CHD4: variants seen among roughly 807,000 people sequenced by gnomAD.
CHD4 encodes the protein ATP-dependent chromatin remodeler CHD4.
Under a neutral mutation model 235.5 loss-of-function variants are expected in CHD4, and 35 were observed. The observed-to-expected ratio is 0.15, with a 90% CI of 0.11 to 0.20. The LOEUF is 0.20. CHD4 is among the 10% of genes least tolerant of loss of function. The pLI, the probability that CHD4 is intolerant of heterozygous loss-of-function variation, is 1.00. For synonymous variants in CHD4, 900 were observed against 850.2 expected (o/e 1.06, Z -1.02); for missense variants, 1,329 against 2,432.3 (o/e 0.55, Z 9.54).
rs141945658 is a variant in CHD4, at chr12:6,583,094, G to A, written c.4080C>T (p.Ser1360=). Residue 1360 remains serine, a synonymous_variant, in exon 27 of 40, where the codon TCC becomes TCT. Transcript: ENST00000544040. ...QEDRDWQDDQ[S]DNQSDYSVAS... ...CCACTGAGTAATCGGACTGGTTGTC[G>A]GACTGGTCGTCCTGCCAATCTGGAG... 36 of 1,584,686 alleles carry A rather than the reference G, an allele frequency of 2.3e-5. No individual in the cohort carries two copies. The highest frequency in any genetic ancestry group is 1.9e-4 in the South Asian group (16 of 86,402).
At chr12:6,594,392 CAG>C in intron 15 of CHD4, 65 bp downstream of exon 15, 1 of 1,429,286 alleles carries the variant, frequency 7.0e-7, no homozygotes, top group Non-Finnish European at 9.5e-7. Flanking sequence ...TCTCTCTACT[CAG>C]TGTAAGTTAA....
intron 2 of CHD4, among the ~76,000 whole-genome samples, chr12:6,603,542 G>A (rs562304831): frequency 6.7e-6 from 1 of 149,566 alleles, no homozygotes; most frequent in East Asian, 2.0e-4. Context: ...AGGGGAGGGG[G>A]TGGGTTTGAG....
chr12:6,589,765 C>CAAAA (rs546471983), intron 22 of CHD4, among the ~76,000 whole-genome samples: 1 of 123,112 alleles, frequency 8.1e-6, no homozygotes, highest in Admixed American at 8.4e-5. Context: ...GACTTTGTCT[C>CAAAA]AAAAAAAAAA....
At chr12:6,581,948 GC>G in intron 30 of CHD4, 134 bp from the exon 31 acceptor site, 1 of 1,195,568 alleles carries the variant, frequency 8.4e-7, no homozygotes. Context: ...GAATACAGGT[GC>G]CCGCCACCAC....
At chr12:6,573,310 C>G in intron 37 of CHD4, 41 bp from the exon 38 acceptor site, 3 of 1,461,616 alleles carry the variant, frequency 2.1e-6, no homozygotes, top group Non-Finnish European at 2.7e-6. Context: ...CGACTGATAA[C>G]TCACTTTACT....
Position 6,596,222 on chromosome 12 carries a change from T to C in CHD4, c.1893-85A>G, listed in dbSNP as rs1015815901. 1.9e-6 allele frequency: 3 copies of C among 1,548,104 alleles called. No individual in the cohort carries two copies. In the African/African-American group the frequency reaches 4.1e-5, roughly 21 times the overall value. ...TCAAAAACTGGCAATACCGTTTGTT[T>C]CACACCAGACCTCTAGGTATGCCAC... On this transcript the variant is annotated intron_variant, in intron 12 of 39. Coordinates refer to ENST00000544040, the MANE Select transcript of CHD4 (RefSeq NM_001273.5).
chr12:6,601,644 T>A lies in CHD4; in HGVS notation c.557+4A>T. 1 of 1,614,082 alleles carries A rather than the reference T, an allele frequency of 6.2e-7. No individual in the cohort carries two copies. Among genetic ancestry groups the A allele is most frequent in the Non-Finnish European group, 8.5e-7 (1 of 1,179,916 alleles). On this transcript the variant is annotated splice_donor_region_variant and intron_variant, in intron 5 of 39. Transcript: ENST00000544040. The stretch of plus-strand genomic sequence containing the variant: ...CCCCCTTCCCCAAACCCCTTCTGTT[T>A]TACCTGACAAACTGGCTGAAGGCCT...
At chr12:6,591,305 G>C (rs1555169742) in intron 22 of CHD4, 161 bp downstream of exon 22, 1 of 616,310 alleles carries the variant, frequency 1.6e-6, no homozygotes, top group Non-Finnish European at 2.8e-6. Flanking sequence ...CCTAGGAATA[G>C]TCCAATACAT....
intron 25 of CHD4, among the ~76,000 whole-genome samples, chr12:6,585,243 A>G (rs1271194743): frequency 6.6e-6 from 1 of 152,160 alleles, no homozygotes; most frequent in African/African-American, 2.4e-5. Flanking sequence ...TTTTTACTAT[A>G]AAAGACCAAG....
chr12:6,582,967 C>A, intron 27 of CHD4, 31 bp from the exon 28 acceptor site: 2 of 1,610,474 alleles, frequency 1.2e-6, no homozygotes, highest in Non-Finnish European at 8.5e-7. Flanking sequence ...ATGAGTGACA[C>A]AGGTAGGATA....
intron 37 of CHD4, 41 bp from the exon 38 acceptor site, chr12:6,573,310 C>T (rs374956325): frequency 5.5e-6 from 8 of 1,461,616 alleles, no homozygotes; most frequent in Non-Finnish European, 7.3e-6. Context: ...CGACTGATAA[C>T]TCACTTTACT....
At chr12:6,600,787 G>T in intron 7 of CHD4, 118 bp from the exon 8 acceptor site, 1 of 1,513,086 alleles carries the variant, frequency 6.6e-7, no homozygotes, top group Non-Finnish European at 8.9e-7. Flanking sequence ...CCGTTATACA[G>T]GGAGCCTAGT....
intron 10 of CHD4, 52 bp from the exon 11 acceptor site, chr12:6,598,477 G>A (rs1592279726): frequency 7.0e-7 from 1 of 1,424,488 alleles, no homozygotes; most frequent in Non-Finnish European, 9.6e-7. Flanking sequence ...GGGAGGAGAA[G>A]GGACAGCCCA....
intron 9 of CHD4, 41 bp from the exon 10 acceptor site, chr12:6,600,053 C>A (rs944906897): frequency 1.2e-6 from 2 of 1,602,904 alleles, no homozygotes; most frequent in Non-Finnish European, 1.7e-6. Flanking sequence ...TACCCCCACC[C>A]GCCCACCGCA....
At chr12:6,592,847 C>T (rs774203277) in intron 17 of CHD4, 30 bp from the exon 18 acceptor site, 5 of 1,598,800 alleles carry the variant, frequency 3.1e-6, no homozygotes, top group South Asian at 1.1e-5. Context: ...AAGGTGAAAT[C>T]CAATGAAAAC....
chr12:6,606,505 C>A, intron 1 of CHD4, 54 bp from the exon 2 acceptor site: 1 of 539,382 alleles, frequency 1.9e-6, no homozygotes, highest in Non-Finnish European at 3.2e-6. Flanking sequence ...GCACTGTCCC[C>A]CTCCCCCACA....
At chr12:6,581,434 CAG>C (rs750548651) in intron 31 of CHD4, 46 bp from the exon 32 acceptor site, 10 of 1,584,126 alleles carry the variant, frequency 6.3e-6, no homozygotes. Flanking sequence ...GGTACTAGAT[CAG>C]AGAGAAGGTC....
Position 6,571,021 on chromosome 12 carries a change from G to C in CHD4, c.5569C>G (p.Leu1857Val). 1 of 1,614,114 alleles carries C rather than the reference G, an allele frequency of 6.2e-7. No individual in the cohort carries two copies. The highest frequency in any genetic ancestry group is 8.5e-7 in the Non-Finnish European group (1 of 1,180,024). The change falls in exon 39 of 40, where the codon CTG becomes GTG. Residue 1857 changes from leucine (L) to valine (V), a missense_variant. This residue lies in a region of CHD4 where 135 missense variants were observed against 282.3 expected (regional missense o/e 0.48). Transcript: ENST00000544040. ...NAVLHKVLKQ[L>V]EELLSDMKAD... The stretch of plus-strand genomic sequence containing the variant: ...TTCATGTCACTCAGCAGTTCTTCCA[G>C]CTGTTTCAGAACTGCATAGGGAGAA...
At chr12:6,604,423 C>T (rs1366742854) in intron 2 of CHD4, among the ~76,000 whole-genome samples, 1 of 152,150 alleles carries the variant, frequency 6.6e-6, no homozygotes, top group African/African-American at 2.4e-5. Context: ...GACAAAGCAC[C>T]ATCAGCCTCC....
Sources: allele counts gnomAD v4.1 joint callset (sites outside exome capture counted in the v4.1 genomes callset), GRCh38; gene constraint gnomAD v4.1.1; regional missense constraint gnomAD v4.1.1; transcripts MANE v1.5; gene names NCBI Gene and HGNC (gene_info 2026-07-23, HGNC 2026-07-21).